The following KIF5C variants were observed in gnomAD, a reference collection of about 807,000 sequenced individuals.
KIF5C encodes the protein kinesin heavy chain isoform 5C.
In KIF5C, 18 loss-of-function variants were observed where a neutral mutation model predicts 125.2. The ratio of observed to expected loss-of-function variants is 0.14; its 90% CI spans 0.10 to 0.21. KIF5C has a LOEUF of 0.21. Among genes scored for constraint, KIF5C ranks in the 10% least tolerant of loss-of-function variants. The pLI, the probability that KIF5C is intolerant of heterozygous loss-of-function variation, is 1.00. For missense variants in KIF5C, 780 were observed against 1,183.8 expected, an observed-to-expected ratio of 0.66 and a Z score of 5.01; for synonymous variants, 405 against 434.0, an observed-to-expected ratio of 0.93 and a Z score of 0.83.
chr2:148,882,948 G>C (rs1681408154), intron 1 of KIF5C, among the ~76,000 whole-genome samples: 3 of 152,180 alleles, frequency 2.0e-5, no homozygotes, highest in Non-Finnish European at 2.9e-5. Context: ...CAGAGTAGTT[G>C]CTCAGTATAA....
At chr2:148,947,993 A>G in intron 8 of KIF5C, 1 of 456,676 alleles carries the variant, frequency 2.2e-6, no homozygotes, top group South Asian at 1.5e-5. Flanking sequence ...GTCCTCTAGT[A>G]TGCATTTGTA....
At chr2:148,909,399 A>C (rs1048925244) in intron 1 of KIF5C, among the ~76,000 whole-genome samples, 1 of 152,142 alleles carries the variant, frequency 6.6e-6, no homozygotes, top group East Asian at 1.9e-4. Context: ...CACTCAGAGG[A>C]GTCATCTTTG....
chr2:148,949,636 T>G (rs535268828), intron 8 of KIF5C, among the ~76,000 whole-genome samples: 1 of 152,260 alleles, frequency 6.6e-6, no homozygotes, highest in East Asian at 1.9e-4. Context: ...TAAAACCCAA[T>G]TGAGAGGAAA....
At position 148,947,016 on chromosome 2, in the gene KIF5C, G is replaced by A. The variant is rs1682533769; in HGVS notation, c.707G>A (p.Ser236Asn). ...GKLYLVDLAGSEKVSKTGAEG... is the reference protein window; with the variant it reads ...GKLYLVDLAGNEKVSKTGAEG... ...CTTTATTTGGTTGATTTGGCTGGGA[G>A]CGAAAAGGTAATTTGTTCTTTATTT... Residue 236 changes from serine (S) to asparagine (N), a missense_variant, in exon 8 of 26, where the codon AGC becomes AAC. By Grantham distance (46) the Ser-to-Asn change is conservative. Coordinates refer to ENST00000435030, the MANE Select transcript of KIF5C (RefSeq NM_004522.3). The A allele has an allele frequency of 6.2e-7, 1 of 1,610,684 alleles. No homozygotes were observed. The highest frequency in any genetic ancestry group is 8.5e-7 in the Non-Finnish European group (1 of 1,178,956).
intron 1 of KIF5C, among the ~76,000 whole-genome samples, chr2:148,910,818 TC>T (rs1398128577): frequency 1.4e-4 from 21 of 152,098 alleles, no homozygotes; most frequent in Non-Finnish European, 1.3e-4. Context: ...CTTGTACAAG[TC>T]TAGGCAAAAA....
chr2:148,927,895 T>C (rs1372238016), intron 2 of KIF5C, among the ~76,000 whole-genome samples: 1 of 151,914 alleles, frequency 6.6e-6, no homozygotes, highest in Non-Finnish European at 1.5e-5. Flanking sequence ...CTCCCCCTCC[T>C]CTCTCTCCCT....
intron 1 of KIF5C, among the ~76,000 whole-genome samples, chr2:148,887,059 G>A (rs1171366771): frequency 6.6e-6 from 1 of 152,148 alleles, no homozygotes; most frequent in Non-Finnish European, 1.5e-5. Flanking sequence ...CTGGGCACCT[G>A]TAATGTAGGT....
intron 23 of KIF5C, 81 bp from the exon 24 acceptor site, chr2:149,010,054 C>T: frequency 2.0e-6 from 3 of 1,466,842 alleles, no homozygotes; most frequent in Non-Finnish European, 1.8e-6. Flanking sequence ...TGTTCAGCAG[C>T]AGGGGCTGCT....
intron 25 of KIF5C, among the ~76,000 whole-genome samples, chr2:149,018,837 AAAAC>A (rs543410370): frequency 4.4e-4 from 67 of 151,780 alleles, no homozygotes; most frequent in East Asian, 2.1e-3. Context: ...CTTTCTCAAA[AAAAC>A]AAACAAAAAA....
chr2:148,939,778 A>C (rs1034862565), intron 4 of KIF5C, among the ~76,000 whole-genome samples: 1 of 152,226 alleles, frequency 6.6e-6, no homozygotes, highest in Non-Finnish European at 1.5e-5. Flanking sequence ...GCAATATCGA[A>C]AATCTGCTCC....
intron 20 of KIF5C, 62 bp from the exon 21 acceptor site, chr2:149,000,660 A>T: frequency 1.9e-6 from 3 of 1,601,008 alleles, no homozygotes; most frequent in Non-Finnish European, 2.6e-6. Flanking sequence ...GTGGATGCAA[A>T]TAGTATCTGC....
intron 23 of KIF5C, among the ~76,000 whole-genome samples, chr2:149,008,975 TTTTG>T (rs1682096497): frequency 6.6e-6 from 1 of 150,840 alleles, no homozygotes; most frequent in Non-Finnish European, 1.5e-5. Context: ...TTTTATTTAT[TTTTG>T]TTTTTTTTAA....
chr2:148,989,160 G>A (rs983223239), intron 15 of KIF5C, among the ~76,000 whole-genome samples: 10 of 152,000 alleles, frequency 6.6e-5, no homozygotes, highest in African/African-American at 2.2e-4. Flanking sequence ...TGTATCATTC[G>A]TATGCCTTTG....
intron 8 of KIF5C, among the ~76,000 whole-genome samples, chr2:148,949,210 G>A (rs907822650): frequency 6.6e-6 from 1 of 152,186 alleles, no homozygotes; most frequent in African/African-American, 2.4e-5. Context: ...GAGAAACTAT[G>A]CATGGTCCCT....
chr2:148,893,575 C>T (rs992306505), intron 1 of KIF5C, among the ~76,000 whole-genome samples: 9 of 152,162 alleles, frequency 5.9e-5, no homozygotes, highest in Non-Finnish European at 1.2e-4. Flanking sequence ...TAAATTTGTT[C>T]TCACCCTAGA....
At chr2:148,883,065 G>T (rs992606915) in intron 1 of KIF5C, among the ~76,000 whole-genome samples, 3 of 152,134 alleles carry the variant, frequency 2.0e-5, no homozygotes, top group African/African-American at 7.2e-5. Context: ...CTGGCAATTT[G>T]TCTTTCCTCC....
chr2:148,895,514 TATC>T (rs1681816507), intron 1 of KIF5C, among the ~76,000 whole-genome samples: 1 of 151,834 alleles, frequency 6.6e-6, no homozygotes, highest in Non-Finnish European at 1.5e-5. Context: ...CTTTTTTTTT[TATC>T]TTGAATCTCC....
chr2:148,908,600 C>T (rs1681206592), intron 1 of KIF5C, among the ~76,000 whole-genome samples: 1 of 152,172 alleles, frequency 6.6e-6, no homozygotes, highest in African/African-American at 2.4e-5. Flanking sequence ...GCCTCAGTTT[C>T]TCCAGTATTA....
chr2:148,885,564 T>C (rs1333653084), intron 1 of KIF5C: 4 of 152,260 alleles, frequency 2.6e-5, no homozygotes, highest in Non-Finnish European at 5.9e-5. Context: ...CCATCCTTGA[T>C]GTGAACTGAA....
Sources: gnomAD v4.1 joint callset for allele counts (sites outside exome capture counted in the v4.1 genomes callset) on GRCh38, gnomAD v4.1.1 for gene constraint, MANE v1.5 for transcripts, NCBI Gene and HGNC (gene_info 2026-07-23, HGNC 2026-07-21) for gene names.